ASB11: variants seen among roughly 807,000 people sequenced by gnomAD.
The protein encoded by ASB11 is ankyrin repeat and SOCS box containing 11.
A neutral mutation model predicts 20.1 loss-of-function variants in ASB11; 17 were observed. The ratio of observed to expected loss-of-function variants is 0.85; its 90% CI spans 0.58 to 1.27. ASB11 has a LOEUF of 1.27. ASB11 is among the 50% of genes most tolerant of loss of function. The probability of loss-of-function intolerance (pLI) is 0.00; values close to 1 mark genes in which losing one functional copy is unlikely to be tolerated. For synonymous variants in ASB11, 107 were observed against 105.6 expected, an observed-to-expected ratio of 1.01 and a Z score of -0.08; for missense variants, 259 against 256.9, an observed-to-expected ratio of 1.01 and a Z score of -0.06.
rs1927200661 is a variant in ASB11 at position 15,282,161 on chromosome X, T to C, written c.*1344A>G. 1 of 110,675 alleles carries C rather than the reference T, an allele frequency of 9.0e-6. No individual in the cohort carries two copies. Among genetic ancestry groups the C allele is most frequent in the Non-Finnish European group, 1.9e-5 (1 of 52,877 alleles). 9.1% of individuals were successfully genotyped at this position (110,675 alleles called of 1,213,427 possible). A position where few individuals can be genotyped will look rare whatever the true frequency, so the allele number is the denominator to read the frequency against. On this transcript the variant is annotated 3_prime_UTR_variant, in exon 7 of 7. Transcript: ENST00000480796. Reference sequence around the variant, plus strand: ...TCAGTGGGAGTGGGGCAAAATTGTCTCCAGTTGAGAGCCAAAGGTCTAGAA... The same window carrying C: ...TCAGTGGGAGTGGGGCAAAATTGTCCCCAGTTGAGAGCCAAAGGTCTAGAA...
At chrX:15,302,129 T>C (rs1231959809) in intron 2 of ASB11, among the ~76,000 whole-genome samples, 1 of 111,356 alleles carries the variant, frequency 9.0e-6, no homozygotes, top group Non-Finnish European at 1.9e-5. Context: ...CACAGCCCTG[T>C]GGAGAGGCTC....
intron 3 of ASB11, 113 bp from the exon 4 acceptor site, chrX:15,293,433 A>T: frequency 1.2e-6 from 1 of 854,371 alleles, no homozygotes; most frequent in Non-Finnish European, 1.7e-6. Context: ...TGAATAAGTG[A>T]GGGAACTCCA....
rs770214211 is a variant in ASB11 at position 15,283,592 on chromosome X, G to A, written c.885C>T (p.Val295=). The change falls in exon 7 of 7, where the codon GTC becomes GTT. Residue 295 remains valine (V), a synonymous_variant. Transcript: ENST00000480796. ...PALSQLCRLC[V]RKCLGRACHQ... is the part of the protein sequence containing the mutation. The stretch of plus-strand genomic sequence containing the variant: ...GACATGCTCGACCGAGACACTTCCG[G>A]ACACACAGGCGGCAGAGCTGGGAAA... The A allele has an allele frequency of 5.8e-6, 7 of 1,210,085 alleles. No individual in the cohort carries two copies. Among genetic ancestry groups the A allele is most frequent in the Non-Finnish European group, 6.7e-6 (6 of 894,338 alleles).
At chrX:15,313,595 T>C (rs778918010) in intron 1 of ASB11, among the ~76,000 whole-genome samples, 1 of 111,766 alleles carries the variant, frequency 8.9e-6, no homozygotes, top group Admixed American at 9.5e-5. Context: ...TAGAATACTA[T>C]GCTACTTGCA....
At chrX:15,308,426 A>G (rs951890703) in intron 1 of ASB11, among the ~76,000 whole-genome samples, 9 of 111,072 alleles carry the variant, frequency 8.1e-5, no homozygotes, top group African/African-American at 1.3e-4. Context: ...CTGCTTTCCA[A>G]TTCTCTTCCT....
At chrX:15,301,176 T>TGG (rs1921053830) in intron 2 of ASB11, among the ~76,000 whole-genome samples, 1 of 111,281 alleles carries the variant, frequency 9.0e-6, no homozygotes, top group Non-Finnish European at 1.9e-5. Flanking sequence ...TTGCCCAGGC[T>TGG]GGTCTCGAAC....
intron 1 of ASB11, among the ~76,000 whole-genome samples, chrX:15,313,268 G>A (rs1443973331): frequency 1.8e-5 from 2 of 110,498 alleles, no homozygotes; most frequent in African/African-American, 3.3e-5. Flanking sequence ...GCGTGGTGGC[G>A]TGCGCCTATA....
intron 2 of ASB11, among the ~76,000 whole-genome samples, chrX:15,298,076 GTC>G (rs1210667533): frequency 1.8e-5 from 2 of 111,770 alleles, no homozygotes; most frequent in African/African-American, 6.5e-5. Context: ...TATGACATGG[GTC>G]TCTCTTCTCC....
At chrX:15,285,873 C>T (rs866893154) in intron 6 of ASB11, among the ~76,000 whole-genome samples, 49 of 110,620 alleles carry the variant, frequency 4.4e-4, no homozygotes, top group African/African-American at 1.2e-3. Flanking sequence ...GGCGTGGTGG[C>T]ACGCGCCTGT....
intron 1 of ASB11, among the ~76,000 whole-genome samples, chrX:15,310,622 C>T (rs914379618): frequency 8.9e-6 from 1 of 112,334 alleles, no homozygotes; most frequent in Non-Finnish European, 1.9e-5. Flanking sequence ...AGATAAAAAA[C>T]GATTAAACTG....
intron 1 of ASB11, among the ~76,000 whole-genome samples, chrX:15,310,470 A>C (rs191514092): frequency 6.3e-5 from 7 of 111,736 alleles, no homozygotes; most frequent in Admixed American, 5.7e-4. Context: ...GTGCTTTTTC[A>C]TTTCCCCCTT....
chrX:15,293,110 A>G (rs1927572552), intron 4 of ASB11, 60 bp downstream of exon 4: 2 of 1,162,018 alleles, frequency 1.7e-6, no homozygotes, highest in African/African-American at 3.6e-5. Flanking sequence ...TAGACCATTG[A>G]TTCATACAGA....
At chrX:15,284,123 G>A (rs938253789) in intron 6 of ASB11, among the ~76,000 whole-genome samples, 4 of 106,825 alleles carry the variant, frequency 3.7e-5, no homozygotes, top group Non-Finnish European at 7.7e-5. Context: ...GTGGTGGCGG[G>A]TGCCTATAGT....
chrX:15,309,361 T>G (rs1921347201), intron 1 of ASB11, among the ~76,000 whole-genome samples: 1 of 108,359 alleles, frequency 9.2e-6, no homozygotes, highest in Admixed American at 1.0e-4. Context: ...CTTATGAGTC[T>G]AATGCCTGAT....
At chrX:15,293,117 C>G (rs1040736851) in intron 4 of ASB11, 53 bp downstream of exon 4, 6 of 1,173,279 alleles carry the variant, frequency 5.1e-6, no homozygotes, top group East Asian at 6.0e-5. Context: ...TTGATTCATA[C>G]AGATTGGAGT....
intron 3 of ASB11, among the ~76,000 whole-genome samples, chrX:15,296,678 A>G (rs1920968036): frequency 1.8e-5 from 2 of 112,361 alleles, no homozygotes; most frequent in Admixed American, 9.4e-5. Context: ...ATTTTGCTCA[A>G]TAAAAATAGT....
intron 2 of ASB11, among the ~76,000 whole-genome samples, chrX:15,300,405 G>A (rs1048692958): frequency 1.6e-4 from 18 of 112,202 alleles, no homozygotes; most frequent in African/African-American, 5.2e-4. Flanking sequence ...TACTCATATC[G>A]GTTTAATGTT....
chrX:15,302,936 AT>A, intron 1 of ASB11, 129 bp from the exon 2 acceptor site: 2 of 543,496 alleles, frequency 3.7e-6, no homozygotes, highest in Admixed American at 3.1e-5. Context: ...GGTATCACGC[AT>A]CAGGCTCTCT....
chrX:15,283,807 C>G (rs1345551691), intron 6 of ASB11, among the ~76,000 whole-genome samples, 178 bp from the exon 7 acceptor site: 1 of 111,219 alleles, frequency 9.0e-6, no homozygotes, highest in Non-Finnish European at 1.9e-5. Flanking sequence ...CCTGATTTGC[C>G]CCTCTGGAAG....
Sources: allele counts gnomAD v4.1 joint callset (sites outside exome capture counted in the v4.1 genomes callset), GRCh38; gene constraint gnomAD v4.1.1; transcripts MANE v1.5; gene names NCBI Gene and HGNC (gene_info 2026-07-23, HGNC 2026-07-21).